DCHS2: variants seen among roughly 807,000 people sequenced by gnomAD.
DCHS2 encodes protocadherin-23.
A neutral mutation model predicts 182.4 loss-of-function variants in DCHS2; 142 were observed. That is an observed-to-expected ratio of 0.78 (90% CI 0.68 to 0.89). The LOEUF is 0.89. DCHS2 is among the 40% of genes least tolerant of loss of function. The probability of loss-of-function intolerance (pLI) is 0.00; values close to 1 mark genes in which losing one functional copy is unlikely to be tolerated. For synonymous variants in DCHS2, 1,740 were observed against 1,663.3 expected, an observed-to-expected ratio of 1.05 and a Z score of -1.12; for missense variants, 4,319 against 4,198.6, an observed-to-expected ratio of 1.03 and a Z score of -0.79.
Position 154,490,478 on chromosome 4 carries a change from G to T in DCHS2, c.878C>A (p.Pro293Gln), listed in dbSNP as rs1447900588. The T allele has an allele frequency of 2.0e-6, 3 of 1,536,806 alleles. No homozygotes were observed. In the Admixed American group the frequency reaches 5.9e-5, roughly 30 times the overall value. Residue 293 changes from proline (P) to glutamine (Q), a missense_variant, in exon 1 of 20, where the codon CCG becomes CAG. Physicochemically the swap from Pro to Gln is moderately conservative, Grantham distance 76. Transcript: ENST00000357232. ...ELRVLDENDN[P>Q]PVFEQDEYRA... ...GTACTCGTCCTGCTCAAAGACCGGC[G>T]GGTTGTCGTTCTCATCCAGCACGCG... is the stretch of plus-strand genomic sequence containing the variant.
At chr4:154,470,712 C>T (rs1203999309) in intron 1 of DCHS2, among the ~76,000 whole-genome samples, 2 of 152,108 alleles carry the variant, frequency 1.3e-5, no homozygotes, top group African/African-American at 4.8e-5. Flanking sequence ...AAAAGTTTAA[C>T]TAATACCTGT....
chr4:154,445,094 C>T (rs753550359), intron 1 of DCHS2, among the ~76,000 whole-genome samples: 1 of 152,174 alleles, frequency 6.6e-6, no homozygotes, highest in Non-Finnish European at 1.5e-5. Flanking sequence ...TCTCCTCACC[C>T]TGCTTTAATT....
chr4:154,393,588 C>G (rs980434707), intron 1 of DCHS2, among the ~76,000 whole-genome samples: 5 of 152,100 alleles, frequency 3.3e-5, no homozygotes, highest in Non-Finnish European at 7.4e-5. Context: ...ACTTTTAAGC[C>G]AAAAAGCAGG....
intron 19 of DCHS2, among the ~76,000 whole-genome samples, chr4:154,238,111 A>G (rs1178217119): frequency 7.7e-6 from 1 of 130,546 alleles, no homozygotes; most frequent in Non-Finnish European, 1.5e-5. Context: ...GGCAGTTGCC[A>G]TCATCTGAGA....
Position 154,332,917 on chromosome 4 carries a change from G to A in DCHS2, c.3291C>T (p.Leu1097=). Residue 1097 remains leucine, a synonymous_variant, in exon 5 of 20, where the codon CTC becomes CTT. Coordinates refer to ENST00000357232, the MANE Select transcript of DCHS2 (RefSeq NM_001358235.2). The stretch of plus-strand genomic sequence containing the variant: ...TTTGCAGCATTTGTGTCATCGGTGA[G>A]AGAGACTCACTGACTTCCACTTGAT... ...LVYQVEVSES[L]SPMTQMLQTQ... is the part of the protein sequence containing the mutation. The A allele has an allele frequency of 6.2e-7, 1 of 1,614,224 alleles. No individual in the cohort carries two copies. The highest frequency in any genetic ancestry group is 8.5e-7 in the Non-Finnish European group (1 of 1,180,040).
rs140326799 is a variant in DCHS2, at chr4:154,304,798, C to T, written c.5476G>A (p.Ala1826Thr). 1.1e-5 allele frequency: 18 copies of T among 1,613,668 alleles called. No individual in the cohort carries two copies. The highest frequency in any genetic ancestry group is 2.2e-5 in the East Asian group (1 of 44,852). The change falls in exon 12 of 20, where the codon GCA becomes ACA. Residue 1826 changes from alanine to threonine, a missense_variant. Physicochemically the swap from Ala to Thr is moderately conservative, Grantham distance 58. Coordinates refer to ENST00000357232, the MANE Select transcript of DCHS2 (RefSeq NM_001358235.2). ...LCTVEDENDH[A>T]PEFIVSSYDI... ...TAACTGGAAACAATAAACTCTGGTG[C>T]GTGATCGTTTTCATCTTCAACAGTG...
rs1307046866 is a variant in DCHS2 at position 154,384,344 on chromosome 4, C to A, written c.2053-6900G>T. The A allele has an allele frequency of 2.5e-6, 4 of 1,606,742 alleles. No individual in the cohort carries two copies. In the South Asian group the frequency reaches 4.5e-5, roughly 18 times the overall value. On this transcript the variant is annotated intron_variant, in intron 1 of 19. Coordinates refer to ENST00000357232, the MANE Select transcript of DCHS2 (RefSeq NM_001358235.2). The stretch of plus-strand genomic sequence containing the variant: ...GACACCATGTTATGGCCCTCCTCCT[C>A]ATGCACCACCTGACTGACCTCACCT...
chr4:154,310,959 A>G (rs1283128759), intron 10 of DCHS2, among the ~76,000 whole-genome samples: 1 of 152,220 alleles, frequency 6.6e-6, no homozygotes, highest in Non-Finnish European at 1.5e-5. Flanking sequence ...AATATTAACT[A>G]TGGCTGCTGT....
rs528092671 is a variant in DCHS2 at position 154,383,663 on chromosome 4, C to G, written c.2053-6219G>C. ...ACAAGTGGAATGGATCTGCTTACAT[C>G]CCCCTCATCAGGATAATAGGGCTTC... is the stretch of plus-strand genomic sequence containing the variant. On this transcript the variant is annotated intron_variant, in intron 1 of 19. Transcript: ENST00000357232. 9.9e-5 allele frequency among the ~76,000 whole-genome samples: 15 copies of G among 152,096 alleles called. No homozygotes were observed. The South Asian group carries it at 3.1e-3, about 32-fold the overall frequency.
At chr4:154,380,681 G>A (rs1394899473) in intron 1 of DCHS2, among the ~76,000 whole-genome samples, 1 of 152,086 alleles carries the variant, frequency 6.6e-6, no homozygotes, top group Non-Finnish European at 1.5e-5. Context: ...TAGGATAAAA[G>A]TATTGATCTC....
At chr4:154,479,621 C>T (rs563388145) in intron 1 of DCHS2, among the ~76,000 whole-genome samples, 6 of 152,262 alleles carry the variant, frequency 3.9e-5, no homozygotes, top group African/African-American at 1.4e-4. Flanking sequence ...AATCTGAATA[C>T]TATTGTGTTC....
chr4:154,483,680 C>A (rs1269884272), intron 1 of DCHS2, among the ~76,000 whole-genome samples: 2 of 152,166 alleles, frequency 1.3e-5, no homozygotes, highest in South Asian at 4.1e-4. Context: ...GGCTGAATAT[C>A]TCAGAAGCTA....
rs1453060197 is a variant in DCHS2, at chr4:154,282,667, C to T, written c.6464-12654G>A. On this transcript the variant is annotated intron_variant, in intron 13 of 19. Transcript: ENST00000357232. ...ATTACTTTATGATCCAGCAATTCCA[C>T]TTCAGGATATATATCCCCAAGAATT... is the stretch of plus-strand genomic sequence containing the variant. 3.9e-5 allele frequency among the ~76,000 whole-genome samples: 6 copies of T among 152,190 alleles called. 1 individual carries two copies. The East Asian group carries it at 9.6e-4, about 24-fold the overall frequency.
chr4:154,344,633 C>G (rs1729272745), intron 3 of DCHS2, among the ~76,000 whole-genome samples: 2 of 152,198 alleles, frequency 1.3e-5, no homozygotes, highest in African/African-American at 4.8e-5. Context: ...AACCTGCAAC[C>G]TTCTCTAGGG....
chr4:154,371,863 T>C (rs898291566), intron 2 of DCHS2, among the ~76,000 whole-genome samples: 4 of 152,088 alleles, frequency 2.6e-5, no homozygotes, highest in Non-Finnish European at 5.9e-5. Flanking sequence ...GGGATGGTGC[T>C]AAACTATTCA....
At chr4:154,261,457 G>A (rs72968853) in intron 14 of DCHS2, among the ~76,000 whole-genome samples, 1,859 of 152,206 alleles carry the variant, frequency 0.012, 34 homozygotes, top group African/African-American at 0.043. Flanking sequence ...CTAGAAGTTC[G>A]ATCCTCTGGT....
At chr4:154,450,480 T>G (rs1734486541) in intron 1 of DCHS2, among the ~76,000 whole-genome samples, 1 of 152,166 alleles carries the variant, frequency 6.6e-6, no homozygotes, top group Non-Finnish European at 1.5e-5. Flanking sequence ...TTCAAGCAAC[T>G]ATCCTAGACT....
At chr4:154,266,628 C>G (rs1170252791) in intron 14 of DCHS2, among the ~76,000 whole-genome samples, 1 of 148,264 alleles carries the variant, frequency 6.7e-6, no homozygotes, top group Non-Finnish European at 1.5e-5. Context: ...TGCACTTCAG[C>G]CTGGGCAACA....
intron 3 of DCHS2, chr4:154,352,650 C>T (rs2066607307): frequency 6.6e-6 from 1 of 152,182 alleles, no homozygotes; most frequent in South Asian, 2.1e-4. Context: ...CTCTGACTAA[C>T]CTTCCTCCTG....
Sources: allele counts gnomAD v4.1 joint callset (sites outside exome capture counted in the v4.1 genomes callset), GRCh38; gene constraint gnomAD v4.1.1; transcripts MANE v1.5; gene names NCBI Gene and HGNC (gene_info 2026-07-23, HGNC 2026-07-21).